DACH2: variants seen among roughly 807,000 people sequenced by gnomAD.
DACH2 encodes dachshund family transcription factor 2.
In DACH2, 17 loss-of-function variants were observed where a neutral mutation model predicts 35.8. The observed-to-expected ratio is 0.48, with a 90% CI of 0.33 to 0.71. DACH2 has a LOEUF of 0.71. Among genes scored for constraint, DACH2 ranks in the 30% least tolerant of loss-of-function variants. The probability of loss-of-function intolerance (pLI) is 0.02; values close to 1 mark genes in which losing one functional copy is unlikely to be tolerated. For missense variants in DACH2, 469 were observed against 472.7 expected (o/e 0.99, Z 0.07); for synonymous variants, 195 against 177.3 (o/e 1.10, Z -0.79).
chrX:86,323,507 C>G (rs760224408), intron 1 of DACH2, among the ~76,000 whole-genome samples: 1 of 112,023 alleles, frequency 8.9e-6, no homozygotes, highest in South Asian at 3.7e-4. Flanking sequence ...GCTGTAAAAA[C>G]TCTTGTAGCA....
Position 86,288,064 on chromosome X carries a change from G to A in DACH2, c.489-88760G>A, listed in dbSNP as rs760769262. On this transcript the variant is annotated intron_variant, in intron 1 of 11. Transcript: ENST00000373125. ...CTTTCCAGATATTTGAAAGGACTTG[G>A]GTGATGCAATCTAAGCTGTATGTGC... Among the ~76,000 whole-genome samples the A allele has an allele frequency of 7.1e-5, 8 of 111,982 alleles. No homozygotes were observed. In the East Asian group the frequency reaches 2.0e-3, roughly 28 times the overall value.
At chrX:86,652,504 T>C (rs1225403719) in intron 4 of DACH2, among the ~76,000 whole-genome samples, 2 of 112,088 alleles carry the variant, frequency 1.8e-5, no homozygotes, top group Non-Finnish European at 1.9e-5. Context: ...CTGTTTTTAG[T>C]TCTTTGAGGA....
intron 1 of DACH2, among the ~76,000 whole-genome samples, chrX:86,171,193 A>G (rs2031113775): frequency 1.9e-5 from 2 of 107,118 alleles, no homozygotes; most frequent in Non-Finnish European, 2.0e-5. Flanking sequence ...CTGAGCTGGT[A>G]TTCTAAATGC....
intron 1 of DACH2, among the ~76,000 whole-genome samples, chrX:86,364,929 G>C (rs1040907930): frequency 6.3e-5 from 7 of 111,005 alleles, no homozygotes; most frequent in Non-Finnish European, 1.1e-4. Context: ...GAGAGTTACG[G>C]GAGTAACCTC....
At chrX:86,814,066 A>G (rs1018585934) in intron 9 of DACH2, among the ~76,000 whole-genome samples, 1 of 110,901 alleles carries the variant, frequency 9.0e-6, no homozygotes, top group Non-Finnish European at 1.9e-5. Flanking sequence ...TCCATCATTG[A>G]CGGAAATCTC....
At chrX:86,786,904 T>G (rs368163731) in intron 7 of DACH2, among the ~76,000 whole-genome samples, 1 of 111,777 alleles carries the variant, frequency 8.9e-6, no homozygotes, top group South Asian at 3.8e-4. Flanking sequence ...AGGGCAGGTC[T>G]TTCTAGTGCT....
At chrX:86,785,285 G>C (rs773106501) in intron 7 of DACH2, among the ~76,000 whole-genome samples, 63 of 111,542 alleles carry the variant, frequency 5.6e-4, no homozygotes, top group South Asian at 1.9e-3. Context: ...AGAGGTACAG[G>C]CTGGAGGTAT....
chrX:86,492,130 C>T (rs946437646), intron 2 of DACH2, among the ~76,000 whole-genome samples: 2 of 111,099 alleles, frequency 1.8e-5, no homozygotes, highest in Non-Finnish European at 3.8e-5. Context: ...TTAGCATATC[C>T]TCACAGTTCA....
intron 3 of DACH2, among the ~76,000 whole-genome samples, chrX:86,521,882 A>T (rs6617233): frequency 3.6e-5 from 4 of 109,969 alleles, no homozygotes; most frequent in African/African-American, 1.3e-4. Context: ...AGTGAAAAGG[A>T]TTAGAAAAGG....
chrX:86,709,740 A>G (rs1019741751), intron 5 of DACH2, among the ~76,000 whole-genome samples: 8 of 112,310 alleles, frequency 7.1e-5, no homozygotes, highest in Non-Finnish European at 1.3e-4. Context: ...AAAGTCGTAA[A>G]CAGACATCTC....
intron 1 of DACH2, among the ~76,000 whole-genome samples, chrX:86,166,959 G>T (rs1367678716): frequency 9.0e-6 from 1 of 111,405 alleles, no homozygotes; most frequent in East Asian, 2.8e-4. Context: ...AATTTGTTTT[G>T]ATAGTATTTT....
intron 2 of DACH2, among the ~76,000 whole-genome samples, chrX:86,424,227 A>C (rs2036854490): frequency 9.0e-6 from 1 of 110,892 alleles, no homozygotes; most frequent in Admixed American, 9.6e-5. Context: ...GAAGAATGTC[A>C]TTGGTATTTT....
chrX:86,722,491 G>A (rs1207781788), intron 6 of DACH2, among the ~76,000 whole-genome samples: 2 of 106,635 alleles, frequency 1.9e-5, no homozygotes, highest in African/African-American at 6.9e-5. Flanking sequence ...TGGGACTACT[G>A]ACATGTTCCA....
At chrX:86,406,130 G>T (rs750925643) in intron 2 of DACH2, among the ~76,000 whole-genome samples, 5 of 111,404 alleles carry the variant, frequency 4.5e-5, no homozygotes, top group Non-Finnish European at 9.4e-5. Flanking sequence ...ATATCATATT[G>T]AATTAATCTA....
intron 2 of DACH2, among the ~76,000 whole-genome samples, chrX:86,403,020 A>T (rs1317459434): frequency 8.9e-6 from 1 of 112,224 alleles, no homozygotes; most frequent in Non-Finnish European, 1.9e-5. Flanking sequence ...TTTACCATAT[A>T]CAAAAATTAA....
At chrX:86,309,622 G>T (rs1019137210) in intron 1 of DACH2, among the ~76,000 whole-genome samples, 2 of 111,856 alleles carry the variant, frequency 1.8e-5, no homozygotes, top group Non-Finnish European at 3.8e-5. Flanking sequence ...CATGCCAGAG[G>T]ATGGGAAATA....
chrX:86,645,252 G>T (rs771289443), intron 3 of DACH2, among the ~76,000 whole-genome samples: 2 of 111,310 alleles, frequency 1.8e-5, no homozygotes, highest in East Asian at 2.8e-4. Context: ...AGTGGGCAAA[G>T]GACATGAACA....
intron 5 of DACH2, among the ~76,000 whole-genome samples, chrX:86,697,786 G>A (rs924804748): frequency 2.7e-5 from 3 of 111,258 alleles, no homozygotes; most frequent in African/African-American, 9.8e-5. Context: ...GAATCAGTAA[G>A]CTTGAAGATG....
intron 2 of DACH2, among the ~76,000 whole-genome samples, chrX:86,506,993 A>G (rs1346833709): frequency 8.9e-6 from 1 of 111,809 alleles, no homozygotes; most frequent in Non-Finnish European, 1.9e-5. Flanking sequence ...ACGATTGTTC[A>G]AGGTGCTTTT....
Sources: allele counts gnomAD v4.1 joint callset (sites outside exome capture counted in the v4.1 genomes callset), GRCh38; gene constraint gnomAD v4.1.1; transcripts MANE v1.5; gene names NCBI Gene and HGNC (gene_info 2026-07-23, HGNC 2026-07-21).